The following LCLAT1 variants were observed in gnomAD, a reference collection of about 807,000 sequenced individuals.
The protein encoded by LCLAT1 is 1-AGP acyltransferase 8.
Under a neutral mutation model 30.7 loss-of-function variants are expected in LCLAT1, and 11 were observed. The ratio of observed to expected loss-of-function variants is 0.36; its 90% confidence interval spans 0.23 to 0.59. The LOEUF (loss-of-function observed/expected upper bound fraction) is 0.59. Among genes scored for constraint, LCLAT1 ranks in the 20% least tolerant of loss-of-function variants. The pLI is 0.77. For missense variants in LCLAT1, 402 were observed against 458.6 expected (o/e 0.88, Z 1.13); for synonymous variants, 155 against 151.3 (o/e 1.02, Z -0.18).
At chr2:30,455,240 T>C (rs932854504) in intron 1 of LCLAT1, among the ~76,000 whole-genome samples, 1 of 152,222 alleles carries the variant, frequency 6.6e-6, no homozygotes, top group Non-Finnish European at 1.5e-5. Context: ...ATTTTCTCTT[T>C]TGTATTTGTA....
intron 5 of LCLAT1, among the ~76,000 whole-genome samples, chr2:30,628,047 TA>T (rs940905134): frequency 2.6e-5 from 4 of 152,040 alleles, no homozygotes; most frequent in African/African-American, 4.8e-5. Context: ...TCAATTACAA[TA>T]AAAAAAATTT....
intron 5 of LCLAT1, among the ~76,000 whole-genome samples, chr2:30,621,914 A>G (rs1318245650): frequency 6.6e-6 from 1 of 152,196 alleles, no homozygotes; most frequent in Non-Finnish European, 1.5e-5. Context: ...GAATCTGGTG[A>G]AGATGGTGAA....
chr2:30,606,075 C>G, intron 5 of LCLAT1: 6 of 1,253,350 alleles, frequency 4.8e-6, no homozygotes, highest in Non-Finnish European at 6.3e-6. Context: ...AATCACTGCT[C>G]AAGGAAATCA....
intron 1 of LCLAT1, among the ~76,000 whole-genome samples, chr2:30,508,591 A>G (rs4952136): frequency 6.6e-6 from 1 of 151,944 alleles, no homozygotes; most frequent in African/African-American, 2.4e-5. Flanking sequence ...TGGGTTCTCT[A>G]TTCTGTTCCA....
In LCLAT1 at chr2:30,640,747, T is replaced by G. The variant is rs1350443725; in HGVS notation, c.*128T>G. ...TACTGCCATCATTATTTGTTAAAGATATTTTGCACTTAATTTTGTGGGAAA... is the reference window on the plus strand; with the variant it reads ...TACTGCCATCATTATTTGTTAAAGAGATTTTGCACTTAATTTTGTGGGAAA... On this transcript the variant is annotated 3_prime_UTR_variant, in exon 6 of 6. Transcript: ENST00000379509. 4 of 1,181,002 alleles carry G rather than the reference T, an allele frequency of 3.4e-6. No individual in the cohort carries two copies. Among genetic ancestry groups the G allele is most frequent in the Non-Finnish European group, 4.7e-6 (4 of 859,706 alleles). The allele number at this position is 1,181,002 out of a possible 1,614,324, so 73.2% of individuals were successfully genotyped here.
chr2:30,605,492 ACTTTCT>A (rs1350764981), intron 5 of LCLAT1, among the ~76,000 whole-genome samples: 1 of 152,190 alleles, frequency 6.6e-6, no homozygotes, highest in Non-Finnish European at 1.5e-5. Flanking sequence ...GTTTATTCAG[ACTTTCT>A]CTTTGTATTG....
chr2:30,536,830 A>G (rs1172761278), intron 3 of LCLAT1, among the ~76,000 whole-genome samples: 1 of 152,252 alleles, frequency 6.6e-6, no homozygotes, highest in African/African-American at 2.4e-5. Context: ...CTGGAAATCA[A>G]TTTAAAAGTA....
intron 5 of LCLAT1, among the ~76,000 whole-genome samples, chr2:30,601,422 CTAAG>C (rs752259458): frequency 1.3e-5 from 2 of 152,000 alleles, no homozygotes. Flanking sequence ...TTTTTCAACA[CTAAG>C]TAAGTTGCTT....
At chr2:30,565,957 C>G (rs1169854040) in intron 4 of LCLAT1, among the ~76,000 whole-genome samples, 1 of 152,132 alleles carries the variant, frequency 6.6e-6, no homozygotes, top group Non-Finnish European at 1.5e-5. Context: ...TGCACCGATC[C>G]TGAGGTGGGA....
chr2:30,556,831 C>T (rs997676287), intron 3 of LCLAT1, among the ~76,000 whole-genome samples: 6 of 151,680 alleles, frequency 4.0e-5, no homozygotes, highest in South Asian at 2.1e-4. Flanking sequence ...CTGCAACCTC[C>T]GCCTCCCGGG....
chr2:30,534,677 CCTTAGAGAACACTTT>C (rs1440749240), intron 3 of LCLAT1, among the ~76,000 whole-genome samples: 1 of 152,118 alleles, frequency 6.6e-6, no homozygotes, highest in African/African-American at 2.4e-5. Flanking sequence ...AGCTGGCTTT[CCTTAGAGAACACTTT>C]CACTTGAGAA....
At chr2:30,447,648 C>G (rs1210817682) in intron 1 of LCLAT1, 2 of 151,980 alleles carry the variant, frequency 1.3e-5, no homozygotes, top group African/African-American at 4.9e-5. Context: ...TGCTGAGGGG[C>G]CGCGCGAGCG....
chr2:30,542,995 A>G (rs1020099252), intron 3 of LCLAT1, among the ~76,000 whole-genome samples: 4 of 87,448 alleles, frequency 4.6e-5, no homozygotes, highest in African/African-American at 9.1e-5. Flanking sequence ...CTATTCTTTT[A>G]GTATAATGTT....
intron 5 of LCLAT1, among the ~76,000 whole-genome samples, chr2:30,580,668 G>A (rs1286481790): frequency 2.0e-5 from 3 of 152,154 alleles, no homozygotes; most frequent in East Asian, 1.9e-4. Flanking sequence ...ACAGCTGAAC[G>A]TGAAAGGATT....
At chr2:30,469,988 C>T (rs1349697939) in intron 1 of LCLAT1, among the ~76,000 whole-genome samples, 1 of 152,160 alleles carries the variant, frequency 6.6e-6, no homozygotes, top group Non-Finnish European at 1.5e-5. Context: ...GCCTCAGCCT[C>T]CCAAAGTGCT....
chr2:30,512,651 T>C (rs756189324), intron 1 of LCLAT1, among the ~76,000 whole-genome samples: 23 of 152,236 alleles, frequency 1.5e-4, no homozygotes, highest in Admixed American at 2.6e-4. Flanking sequence ...GTACACATTT[T>C]TAAAAAATTT....
chr2:30,576,460 T>G (rs1448450303), intron 5 of LCLAT1, among the ~76,000 whole-genome samples: 1 of 152,154 alleles, frequency 6.6e-6, no homozygotes, highest in African/African-American at 2.4e-5. Flanking sequence ...GAATCTCGTT[T>G]GCAGTAAAAT....
At chr2:30,597,765 A>G (rs1293116419) in intron 5 of LCLAT1, among the ~76,000 whole-genome samples, 1 of 152,084 alleles carries the variant, frequency 6.6e-6, no homozygotes, top group Admixed American at 6.5e-5. Flanking sequence ...ATTCAGTGTA[A>G]TCCTGGCTGT....
intron 1 of LCLAT1, among the ~76,000 whole-genome samples, chr2:30,474,281 C>T (rs1037779404): frequency 6.6e-6 from 1 of 152,210 alleles, no homozygotes; most frequent in Admixed American, 6.5e-5. Context: ...CCTCAGTTAA[C>T]CCATAGTCTA....
Sources: gnomAD v4.1 joint callset for allele counts (sites outside exome capture counted in the v4.1 genomes callset) on GRCh38, gnomAD v4.1.1 for gene constraint, MANE v1.5 for transcripts, NCBI Gene and HGNC (gene_info 2026-07-23, HGNC 2026-07-21) for gene names.